NALF1: variants seen among roughly 807,000 people sequenced by gnomAD.
NALF1 encodes family with sequence similarity 155 member A.
In NALF1, 3 loss-of-function variants were observed where a neutral mutation model predicts 48.4. The observed-to-expected ratio is 0.06, with a 90% CI of 0.03 to 0.16. The LOEUF is 0.16. Among genes scored for constraint, NALF1 ranks in the 10% least tolerant of loss-of-function variants. NALF1 has a pLI of 1.00. For missense variants in NALF1, 526 were observed against 571.5 expected, an observed-to-expected ratio of 0.92 and a Z score of 0.81; for synonymous variants, 262 against 245.7, an observed-to-expected ratio of 1.07 and a Z score of -0.62.
intron 1 of NALF1, among the ~76,000 whole-genome samples, chr13:107,366,019 A>G (rs1883145853): frequency 6.6e-6 from 1 of 152,218 alleles, no homozygotes; most frequent in Non-Finnish European, 1.5e-5. Flanking sequence ...AAAGCAACAC[A>G]ATAAGTTACG....
chr13:107,822,444 ATG>A, intron 1 of NALF1, among the ~76,000 whole-genome samples: 1 of 152,120 alleles, frequency 6.6e-6, no homozygotes, highest in Non-Finnish European at 1.5e-5. Flanking sequence ...CTTTTTAGAA[ATG>A]GAAATGTAAG....
At chr13:107,675,735 G>A (rs1487573913) in intron 1 of NALF1, among the ~76,000 whole-genome samples, 2 of 152,090 alleles carry the variant, frequency 1.3e-5, no homozygotes, top group African/African-American at 2.4e-5. Context: ...TGGTATTAGC[G>A]CATGTCAATT....
In NALF1 at chr13:107,489,177, A is replaced by C. The variant is rs1885377225; in HGVS notation, c.916-278422T>G. On this transcript the variant is annotated intron_variant, in intron 1 of 2. Coordinates refer to ENST00000375915, the MANE Select transcript of NALF1 (RefSeq NM_001080396.3). Reference sequence around the variant, plus strand: ...ACATTCCATGCTCATGGATAGAAGAATCGATATCATTAAAATAGTCATACT... The same window carrying C: ...ACATTCCATGCTCATGGATAGAAGACTCGATATCATTAAAATAGTCATACT... Among the ~76,000 whole-genome samples the C allele has an allele frequency of 2.6e-5, 4 of 152,334 alleles. No individual in the cohort carries two copies. The South Asian group carries it at 6.2e-4, about 24-fold the overall frequency.
chr13:107,587,470 T>C (rs987573592), intron 1 of NALF1, among the ~76,000 whole-genome samples: 1 of 152,144 alleles, frequency 6.6e-6, no homozygotes, highest in Admixed American at 6.6e-5. Context: ...ATTCCAAATA[T>C]AAATGTCATT....
intron 2 of NALF1, among the ~76,000 whole-genome samples, chr13:107,196,079 T>C (rs1879385102): frequency 6.6e-6 from 1 of 152,174 alleles, no homozygotes; most frequent in Admixed American, 6.5e-5. Context: ...ATGTTCACGC[T>C]TATAAGTGGG....
intron 1 of NALF1, among the ~76,000 whole-genome samples, chr13:107,263,189 C>T (rs1880968193): frequency 1.3e-5 from 2 of 151,166 alleles, no homozygotes; most frequent in Non-Finnish European, 2.9e-5. Context: ...AACCCAGCAG[C>T]AGGGCTCAAT....
At chr13:107,209,179 C>T (rs1000374480) in intron 2 of NALF1, among the ~76,000 whole-genome samples, 22 of 152,158 alleles carry the variant, frequency 1.4e-4, no homozygotes, top group Non-Finnish European at 3.2e-4. Context: ...CCTTCAGTCA[C>T]GTGTTCTTTC....
At chr13:107,194,042 ATC>A (rs1566446859) in intron 2 of NALF1, among the ~76,000 whole-genome samples, 242 of 130,424 alleles carry the variant, frequency 1.9e-3, no homozygotes, top group African/African-American at 4.1e-3. Flanking sequence ...CTATCTATCT[ATC>A]TATCTATCTA....
chr13:107,412,475 G>A (rs570646264), intron 1 of NALF1, among the ~76,000 whole-genome samples: 1 of 152,162 alleles, frequency 6.6e-6, no homozygotes, highest in South Asian at 2.1e-4. Flanking sequence ...GTTGTTGCTG[G>A]CACTGCAGTA....
intron 1 of NALF1, among the ~76,000 whole-genome samples, chr13:107,293,778 T>C (rs17367926): frequency 0.34 from 51,633 of 152,146 alleles, 10,727 homozygotes; most frequent in South Asian, 0.56. Context: ...GTACCTTCCA[T>C]TGTTTTGAGC....
chr13:107,690,112 C>T (rs895329888), intron 1 of NALF1, among the ~76,000 whole-genome samples: 2 of 152,188 alleles, frequency 1.3e-5, no homozygotes, highest in East Asian at 3.9e-4. Flanking sequence ...ATATTTTTTA[C>T]ACATGAAGAA....
intron 1 of NALF1, among the ~76,000 whole-genome samples, chr13:107,469,377 A>T (rs1795453337): frequency 6.6e-6 from 1 of 152,312 alleles, no homozygotes; most frequent in Admixed American, 6.5e-5. Flanking sequence ...CATGATTGTT[A>T]TATGCCCAAT....
rs192680049 is a variant in NALF1 at position 107,339,909 on chromosome 13, T to C, written c.916-129154A>G. ...TCACAAACATATACACAAATATACA[T>C]GTATTTCCTAATTGTGTTCCACTAT... On this transcript the variant is annotated intron_variant, in intron 1 of 2. Transcript: ENST00000375915. Among the ~76,000 whole-genome samples, 88 of 152,318 alleles carry C rather than the reference T, an allele frequency of 5.8e-4. 2 individuals carry two copies. The highest frequency in any genetic ancestry group is 6.8e-3 in the Middle Eastern group (2 of 294).
At chr13:107,862,521 C>T (rs1880601183) in intron 1 of NALF1, among the ~76,000 whole-genome samples, 1 of 151,888 alleles carries the variant, frequency 6.6e-6, no homozygotes, top group Non-Finnish European at 1.5e-5. Context: ...TAGCAAAATG[C>T]TATAGTATTA....
At chr13:107,486,820 T>G (rs1347569460) in intron 1 of NALF1, among the ~76,000 whole-genome samples, 2 of 152,124 alleles carry the variant, frequency 1.3e-5, no homozygotes, top group African/African-American at 4.8e-5. Context: ...TTGAAGGGAG[T>G]TCATTTTTTA....
chr13:107,345,123 C>T (rs1045905611), intron 1 of NALF1, among the ~76,000 whole-genome samples: 9 of 151,842 alleles, frequency 5.9e-5, no homozygotes, highest in African/African-American at 2.2e-4. Flanking sequence ...AAGACTTGTA[C>T]ACTGACAACT....
At chr13:107,399,391 C>T (rs1459027928) in intron 1 of NALF1, among the ~76,000 whole-genome samples, 1 of 152,142 alleles carries the variant, frequency 6.6e-6, no homozygotes, top group African/African-American at 2.4e-5. Flanking sequence ...ATTCATAACG[C>T]ATCTAACCTA....
intron 1 of NALF1, among the ~76,000 whole-genome samples, chr13:107,455,959 T>C (rs542420005): frequency 8.5e-5 from 13 of 152,170 alleles, no homozygotes; most frequent in Non-Finnish European, 1.9e-4. Context: ...GCTTGGGCAA[T>C]TATGAATAAA....
intron 1 of NALF1, among the ~76,000 whole-genome samples, chr13:107,214,249 TAGA>T (rs1156232052): frequency 3.3e-5 from 5 of 152,214 alleles, no homozygotes; most frequent in African/African-American, 4.8e-5. Context: ...GGCACCGGGC[TAGA>T]AGAACAAATT....
Sources: allele counts gnomAD v4.1 joint callset (sites outside exome capture counted in the v4.1 genomes callset), GRCh38; gene constraint gnomAD v4.1.1; transcripts MANE v1.5; gene names NCBI Gene and HGNC (gene_info 2026-07-23, HGNC 2026-07-21).